Variants in ATAD3C observed in about 807,000 individuals in gnomAD.
ATAD3C encodes the protein ATPase family AAA domain containing 3C, also known as ATPase family AAA domain-containing protein 3C.
A neutral mutation model predicts 46.3 loss-of-function variants in ATAD3C; 38 were observed. The observed-to-expected ratio is 0.82, with a 90% confidence interval of 0.63 to 1.08. The LOEUF is 1.08. ATAD3C is among the 50% of genes least tolerant of loss of function. The pLI, the probability that ATAD3C is intolerant of heterozygous loss-of-function variation, is 0.00. For missense variants in ATAD3C, 563 were observed against 572.7 expected (o/e 0.98, Z 0.17); for synonymous variants, 220 against 236.4 (o/e 0.93, Z 0.63).
chr1:1,457,595 C>CAAA (rs777757826), intron 8 of ATAD3C, among the ~76,000 whole-genome samples: 43 of 36,314 alleles, frequency 1.2e-3, no homozygotes, highest in African/African-American at 2.3e-3. Flanking sequence ...GACTTCATCT[C>CAAA]AAAAAAAAAA....
Position 1,449,878 on chromosome 1 carries a change from C to T in ATAD3C, c.-806C>T, listed in dbSNP as rs1570138631. The T allele has an allele frequency of 1.3e-5, 2 of 152,046 alleles. No homozygotes were observed. The highest frequency in any genetic ancestry group is 2.1e-4 in the South Asian group (1 of 4,806). The allele number at this position is 152,046 out of a possible 1,614,324, so 9.4% of individuals were successfully genotyped here. A position where few individuals can be genotyped will look rare whatever the true frequency, so the allele number is the denominator to read the frequency against. On this transcript the variant is annotated 5_prime_UTR_variant, in exon 1 of 12. Coordinates refer to ENST00000378785, the MANE Select transcript of ATAD3C (RefSeq NM_001039211.3). ...AGGTCACCCAAACATTGACCTGTGT[C>T]GGTTCCCCACTAGGAACAAAATGTA...
Position 1,464,524 on chromosome 1 carries a change from A to G in ATAD3C, c.1089+1816A>G, listed in dbSNP as rs1470577569. On this transcript the variant is annotated intron_variant, in intron 11 of 11. Transcript: ENST00000378785. ...GGTGGCTCACGCCTGTAATCCCAGC[A>G]CTTTGGGAAGCTGAGGTGGGTGGAT... 7.2e-5 allele frequency among the ~76,000 whole-genome samples: 11 copies of G among 152,016 alleles called. No homozygotes were observed. In the East Asian group the frequency reaches 2.1e-3, roughly 29 times the overall value.
intron 8 of ATAD3C, among the ~76,000 whole-genome samples, chr1:1,457,739 C>T (rs566585114): frequency 9.1e-4 from 137 of 151,222 alleles, no homozygotes; most frequent in African/African-American, 3.2e-3. Context: ...AGTTCAGTGG[C>T]GTGATCTCGG....
chr1:1,462,440 T>C lies in ATAD3C; in HGVS notation c.981-160T>C. The C allele has an allele frequency of 1.3e-6, 1 of 750,704 alleles. No homozygotes were observed. The highest frequency in any genetic ancestry group is 2.2e-6 in the Non-Finnish European group (1 of 452,610). 46.5% of individuals were successfully genotyped at this position (750,704 alleles called of 1,614,324 possible). ...CCTTCCTGCTCAGCCCAGGCCTGGC[T>C]TGCGTCAGGAAGGGGGCGGAACTTG... On this transcript the variant is annotated intron_variant, in intron 10 of 11. Coordinates refer to ENST00000378785, the MANE Select transcript of ATAD3C (RefSeq NM_001039211.3). This position sits in a 1 kb window ranked among gnomAD's most constrained non-coding sequence, Gnocchi z 4.5.
At chr1:1,454,030 C>G (rs1638907460) in intron 3 of ATAD3C, among the ~76,000 whole-genome samples, 1 of 152,064 alleles carries the variant, frequency 6.6e-6, no homozygotes, top group Non-Finnish European at 1.5e-5. Context: ...CAAGAATGTA[C>G]CGAGGGTGTG....
intron 8 of ATAD3C, among the ~76,000 whole-genome samples, chr1:1,457,775 G>A (rs1346458262): frequency 6.7e-6 from 1 of 149,286 alleles, no homozygotes; most frequent in East Asian, 2.0e-4. Context: ...GCCTCCCAGT[G>A]CAAGCGATTC....
At position 1,462,033 on chromosome 1, in the gene ATAD3C, G is replaced by A. The variant is rs563018127; in HGVS notation, c.981-567G>A. On this transcript the variant is annotated intron_variant, in intron 10 of 11. Coordinates refer to ENST00000378785, the MANE Select transcript of ATAD3C (RefSeq NM_001039211.3). The surrounding 1 kb of genome is among the most constrained non-coding windows in gnomAD (Gnocchi z 4.5). Reference sequence around the variant, plus strand: ...AGCAGAGGCTGCTCTACTTCTTGGCGTCCCCAGGGCCCCGGTTTCTGAGTC... The same window carrying A: ...AGCAGAGGCTGCTCTACTTCTTGGCATCCCCAGGGCCCCGGTTTCTGAGTC... Among the ~76,000 whole-genome samples the A allele has an allele frequency of 7.2e-5, 11 of 152,020 alleles. No homozygotes were observed. The South Asian group carries it at 1.9e-3, about 26-fold the overall frequency.
In ATAD3C at chr1:1,455,218, A is replaced by G. The variant is rs1638934778; in HGVS notation, c.379-242A>G. Among the ~76,000 whole-genome samples, 7 of 59,150 alleles carry G rather than the reference A, an allele frequency of 1.2e-4. No homozygotes were observed. The South Asian group carries it at 8.9e-3, about 75-fold the overall frequency. 38.8% of individuals were successfully genotyped at this position (59,150 alleles called of 152,430 possible). ...GGCGACAGAGTGAGACTCCGTCTCA[A>G]AAAAAAAAAAAAAAAAAAAAAAAAA... On this transcript the variant is annotated intron_variant, in intron 4 of 11. Coordinates refer to ENST00000378785, the MANE Select transcript of ATAD3C (RefSeq NM_001039211.3).
chr1:1,452,125 G>A lies in ATAD3C; in HGVS notation c.152+3G>A, dbSNP rs1440468133. On this transcript the variant is annotated splice_donor_region_variant and intron_variant, in intron 2 of 11. Coordinates refer to ENST00000378785, the MANE Select transcript of ATAD3C (RefSeq NM_001039211.3). ...CAGACCTTCTTGGAGTCCATCAGGT[G>A]AGCGCTGCCGAGGCCCGGGCCGGCC... 6.2e-7 allele frequency: 1 copy of A among 1,613,162 alleles called. No homozygotes were observed. Among genetic ancestry groups the A allele is most frequent in the African/African-American group, 1.3e-5 (1 of 75,048 alleles).
intron 5 of ATAD3C, 99 bp from the exon 6 acceptor site, chr1:1,455,692 C>A: frequency 6.4e-7 from 1 of 1,568,466 alleles, no homozygotes; most frequent in East Asian, 2.3e-5. Flanking sequence ...GGTGGCTCCC[C>A]GGAGAGCGGA....
In ATAD3C at chr1:1,459,102, C is replaced by T. The variant is rs1639015131; in HGVS notation, c.742-59C>T. ...GGAGGGAGGCCTGTGGGACTTTCTG[C>T]TGTGGCTGTTTACAAGGCTTTGCTC... On this transcript the variant is annotated intron_variant, in intron 8 of 11. Transcript: ENST00000378785. The surrounding 1 kb of genome is among the most constrained non-coding windows in gnomAD (Gnocchi z 4.9). 6.4e-7 allele frequency: 1 copy of T among 1,556,288 alleles called. No individual in the cohort carries two copies.
rs547710936 is a variant in ATAD3C at position 1,454,634 on chromosome 1, G to A, written c.378+134G>A. 1,158 of 1,421,108 alleles carry A rather than the reference G, an allele frequency of 8.1e-4. 20 individuals carry two copies. In the African/African-American group the frequency reaches 0.016, roughly 20 times the overall value. The allele number at this position is 1,421,108 out of a possible 1,614,324, so 88.0% of individuals were successfully genotyped here. A position where few individuals can be genotyped will look rare whatever the true frequency, so the allele number is the denominator to read the frequency against. On this transcript the variant is annotated intron_variant, in intron 4 of 11. Coordinates refer to ENST00000378785, the MANE Select transcript of ATAD3C (RefSeq NM_001039211.3). ...AACAGGCACCCGCACGCTGCTTCAC[G>A]GGTGGGTTTTCCTGTCTGGCGCTGT...
Position 1,460,782 on chromosome 1 carries a change from A to C in ATAD3C, c.845A>C (p.Glu282Ala). 1 of 1,611,378 alleles carries C rather than the reference A, an allele frequency of 6.2e-7. No homozygotes were observed. The change falls in exon 10 of 12, where the codon GAG (glutamate) becomes GCG (alanine). Residue 282 changes from glutamate (E) to alanine (A), a missense_variant. Glu to Ala is a moderately radical substitution (Grantham distance 107). Transcript: ENST00000378785. ...CTGATCCTGGCCAGCTGCCACCCCG[A>C]GCAGTTCGACTGGGCCATCAATGCC... ...FMLILASCHP[E>A]QFDWAINACI...
rs1473052588 is a variant in ATAD3C at position 1,469,905 on chromosome 1, TTG to T, written c.*1377_*1378del. The T allele has an allele frequency of 2.0e-5, 3 of 151,862 alleles. No individual in the cohort carries two copies. In the East Asian group the frequency reaches 5.8e-4, roughly 29 times the overall value. 9.4% of individuals were successfully genotyped at this position (151,862 alleles called of 1,614,324 possible). Reference sequence around the variant, plus strand: ...ACTGATGACATTCCACCATTGTGATTTGTTTCTGCCCCACCCTAGCTGATCAA... The same window carrying T: ...ACTGATGACATTCCACCATTGTGATTTTTCTGCCCCACCCTAGCTGATCAA... On this transcript the variant is annotated 3_prime_UTR_variant, in exon 12 of 12. Transcript: ENST00000378785.
intron 10 of ATAD3C, among the ~76,000 whole-genome samples, chr1:1,461,846 C>T (rs149876489): frequency 0.01 from 1,571 of 152,194 alleles, 18 homozygotes; most frequent in Middle Eastern, 0.044. Context: ...CCTGGAGCCT[C>T]GTGGTGTGGG....
chr1:1,469,150 G>A lies in ATAD3C; in HGVS notation c.*620G>A, dbSNP rs1389871099. ...AAAAAAAAAAAATTAGCCGGCCGTG[G>A]TGGCAAGTGCCTGAAATCCCAGGTA... On this transcript the variant is annotated 3_prime_UTR_variant, in exon 12 of 12. Transcript: ENST00000378785. 5.5e-5 allele frequency: 8 copies of A among 144,656 alleles called. No homozygotes were observed. Among genetic ancestry groups the A allele is most frequent in the African/African-American group, 2.1e-4 (8 of 37,494 alleles). 9.0% of individuals were successfully genotyped at this position (144,656 alleles called of 1,614,324 possible). A position where few individuals can be genotyped will look rare whatever the true frequency, so the allele number is the denominator to read the frequency against.
chr1:1,460,876 T>A lies in ATAD3C; in HGVS notation c.939T>A (p.Tyr313Ter). The A allele has an allele frequency of 6.2e-7, 1 of 1,612,690 alleles. No individual in the cohort carries two copies. The highest frequency in any genetic ancestry group is 8.5e-7 in the Non-Finnish European group (1 of 1,179,270). Reference protein sequence around the residue: ...QEERARLVRMYLNEYVLKPAT... With the variant: ...QEERARLVRM ...AGCGGGCGCGCCTGGTGAGAATGTA[T>A]CTTAACGAGTATGTTCTTAAGCCGG... Residue 313 changes from tyrosine to a stop codon, truncating the protein, a stop_gained, in exon 10 of 12, where the codon TAT becomes TAA. Coordinates refer to ENST00000378785, the MANE Select transcript of ATAD3C (RefSeq NM_001039211.3). LOFTEE classifies it high-confidence loss of function.
chr1:1,457,308 T>C (rs963230560), intron 8 of ATAD3C, 128 bp downstream of exon 8: 1 of 1,503,690 alleles, frequency 6.7e-7, no homozygotes, highest in Non-Finnish European at 9.1e-7. Context: ...AAACACAGCA[T>C]TTTTGGCCAG....
chr1:1,452,072 G>A lies in ATAD3C; in HGVS notation c.102G>A (p.Lys34=). The A allele has an allele frequency of 6.2e-7, 1 of 1,613,690 alleles. No homozygotes were observed. The highest frequency in any genetic ancestry group is 8.5e-7 in the Non-Finnish European group (1 of 1,179,678). ...LKQLVNEDLR[K]QEESVQKHHQ... The stretch of plus-strand genomic sequence containing the variant: ...AACTTGTCAATGAGGATTTACGGAA[G>A]CAGGAGGAGTCCGTGCAGAAGCACC... Residue 34 remains lysine, a synonymous_variant, in exon 2 of 12, where the codon AAG becomes AAA. Transcript: ENST00000378785.
Sources: allele counts gnomAD v4.1 joint callset (sites outside exome capture counted in the v4.1 genomes callset), GRCh38; gene constraint gnomAD v4.1.1; non-coding constraint Gnocchi (gnomAD v3.1); transcripts MANE v1.5; gene names NCBI Gene and HGNC (gene_info 2026-07-23, HGNC 2026-07-21).